ZNF121: variants seen among roughly 807,000 people sequenced by gnomAD.
The protein encoded by ZNF121 is zinc finger protein 121 (clone ZHC32).
In ZNF121, 1 loss-of-function variant was observed where a neutral mutation model predicts 2.4. That is an observed-to-expected ratio of 0.41 (90% CI 0.15 to 1.94). The LOEUF is 1.94. Among genes scored for constraint, ZNF121 ranks in the 30% most tolerant of loss-of-function variants. The pLI is 0.30. For synonymous variants in ZNF121, 173 were observed against 158.6 expected, an observed-to-expected ratio of 1.09 and a Z score of -0.68; for missense variants, 369 against 466.3, an observed-to-expected ratio of 0.79 and a Z score of 1.92.
At position 9,566,648 on chromosome 19, in the gene ZNF121, A is replaced by G; in HGVS notation, c.465T>C (p.Tyr155=). 1 of 1,614,180 alleles carries G rather than the reference A, an allele frequency of 6.2e-7. No homozygotes were observed. The highest frequency in any genetic ancestry group is 1.3e-5 in the African/African-American group (1 of 75,058). ...ECKECGKFFR[Y]SSYLNSHMRT... is the part of the protein sequence containing the mutation. Reference sequence around the variant, plus strand: ...GCATGTGACTATTAAGATATGAAGAATATCTAAAGAATTTTCCACATTCCT... The same window carrying G: ...GCATGTGACTATTAAGATATGAAGAGTATCTAAAGAATTTTCCACATTCCT... The change falls in exon 4 of 4, where the codon TAT becomes TAC. Residue 155 remains tyrosine (Y), a synonymous_variant. Coordinates refer to ENST00000320451, the MANE Select transcript of ZNF121 (RefSeq NM_001008727.5).
rs1469705829 is a variant in ZNF121 at position 9,562,103 on chromosome 19, A to G, written c.*3837T>C. 1 of 151,632 alleles carries G rather than the reference A, an allele frequency of 6.6e-6. No homozygotes were observed. The highest frequency in any genetic ancestry group is 1.9e-4 in the East Asian group (1 of 5,198). The allele number at this position is 151,632 out of a possible 1,614,324, so 9.4% of individuals were successfully genotyped here. ...CTTACTTTGTCTCTCACATCCTGAC[A>G]ATTCTGACAATATTTCAAACATTTT... On this transcript the variant is annotated 3_prime_UTR_variant, in exon 4 of 4. Transcript: ENST00000320451.
chr19:9,565,999 C>T lies in ZNF121; in HGVS notation c.1114G>A (p.Glu372Lys), dbSNP rs142394580. 1,115 of 1,603,386 alleles carry T rather than the reference C, an allele frequency of 7.0e-4. 3 individuals carry two copies. The highest frequency in any genetic ancestry group is 7.4e-4 in the Non-Finnish European group (871 of 1,176,032). ...AATCTATTGTAGGCTTTCCCACATT[C>T]GTTACATATATAGGGTTTCTCTCCA... ...HTGEKPYICN[E>K]CGKAYNRFYL... is the part of the protein sequence containing the mutation. Residue 372 changes from glutamate to lysine, a missense_variant, in exon 4 of 4, where the codon GAA becomes AAA. This residue lies in a region of ZNF121 where 127 missense variants were observed against 169.9 expected (regional missense o/e 0.75). Transcript: ENST00000320451.
intron 1 of ZNF121, among the ~76,000 whole-genome samples, chr19:9,574,148 AT>A (rs2074193806): frequency 6.8e-6 from 1 of 147,852 alleles, no homozygotes; most frequent in Non-Finnish European, 1.5e-5. Flanking sequence ...ATTTTAATTT[AT>A]TTATACATTT....
chr19:9,566,130 A>G lies in ZNF121; in HGVS notation c.983T>C (p.Ile328Thr). Reference protein sequence around the residue: ...GKAFATSSQLIEHIRTHTGEK... With the variant: ...GKAFATSSQLTEHIRTHTGEK... ...TCCAGTGTGAGTTCTTATATGTTCA[A>G]TGAGTTGTGAAGATGTAGCAAAGGC... Residue 328 changes from isoleucine to threonine, a missense_variant, in exon 4 of 4, where the codon ATT (isoleucine) becomes ACT (threonine). Physicochemically the swap from Ile to Thr is moderately conservative, Grantham distance 89 (BLOSUM62 -1). Around this residue, in one of 4 missense-constraint regions of ZNF121, gnomAD observed 127 missense variants for 169.9 expected, o/e 0.75. Coordinates refer to ENST00000320451, the MANE Select transcript of ZNF121 (RefSeq NM_001008727.5). The G allele has an allele frequency of 1.2e-6, 2 of 1,613,884 alleles. No homozygotes were observed. Among genetic ancestry groups the G allele is most frequent in the Non-Finnish European group, 1.7e-6 (2 of 1,179,934 alleles).
In ZNF121 at chr19:9,567,984, T is replaced by A. The variant is rs532963139; in HGVS notation, c.3+111A>T. 9 of 1,217,490 alleles carry A rather than the reference T, an allele frequency of 7.4e-6. No homozygotes were observed. The East Asian group carries it at 1.6e-4, about 21-fold the overall frequency. 75.4% of individuals were successfully genotyped at this position (1,217,490 alleles called of 1,614,324 possible). A position where few individuals can be genotyped will look rare whatever the true frequency, so the allele number is the denominator to read the frequency against. The stretch of plus-strand genomic sequence containing the variant: ...GGGACCCTTGCTCTAGAGACATTCC[T>A]CCTGCTTGAGTAAATGTTACCTCTC... On this transcript the variant is annotated intron_variant, in intron 3 of 3. Coordinates refer to ENST00000320451, the MANE Select transcript of ZNF121 (RefSeq NM_001008727.5).
chr19:9,567,387 G>T (rs151290891), intron 3 of ZNF121, among the ~76,000 whole-genome samples: 1 of 152,190 alleles, frequency 6.6e-6, no homozygotes, highest in Non-Finnish European at 1.5e-5. Context: ...GTACTTGTGA[G>T]AATGCTGAAG....
chr19:9,565,925 A>C lies in ZNF121; in HGVS notation c.*15T>G, dbSNP rs778373623. 2.6e-6 allele frequency: 4 copies of C among 1,515,034 alleles called. No individual in the cohort carries two copies. The highest frequency in any genetic ancestry group is 3.6e-6 in the Non-Finnish European group (4 of 1,125,950). 93.8% of individuals were successfully genotyped at this position (1,515,034 alleles called of 1,614,324 possible). A position where few individuals can be genotyped will look rare whatever the true frequency, so the allele number is the denominator to read the frequency against. ...CCTAAAAGATTTCCACATTCCTTAC[A>C]TTCAGAGTTTTTCTTCAGTGTGTTT... On this transcript the variant is annotated 3_prime_UTR_variant, in exon 4 of 4. Transcript: ENST00000320451.
In ZNF121 at chr19:9,565,705, AAATAAAATAAAAT is replaced by A. The variant is rs1370036192; in HGVS notation, c.*222_*234del. On this transcript the variant is annotated 3_prime_UTR_variant, in exon 4 of 4. Transcript: ENST00000320451. ...AAATAAAATAAAATAAAATAAAATA[AAATAAAATAAAAT>A]AATAAAAAAAGATTCCATTGGCTCC... 5.4e-6 allele frequency: 1 copy of A among 186,598 alleles called. No individual in the cohort carries two copies. Among genetic ancestry groups the A allele is most frequent in the Non-Finnish European group, 1.1e-5 (1 of 91,862 alleles). 11.6% of individuals were successfully genotyped at this position (186,598 alleles called of 1,614,324 possible). A position where few individuals can be genotyped will look rare whatever the true frequency, so the allele number is the denominator to read the frequency against.
rs572105905 is a variant in ZNF121 at position 9,569,494 on chromosome 19, T to C, written c.-159-412A>G. Among the ~76,000 whole-genome samples, 4 of 151,838 alleles carry C rather than the reference T, an allele frequency of 2.6e-5. No individual in the cohort carries two copies. The East Asian group carries it at 7.7e-4, about 29-fold the overall frequency. ...TTAAAACGTGTATTCAAATAGGAAA[T>C]AATCCAAGTGCAAAGAGAGATCATT... On this transcript the variant is annotated intron_variant, in intron 1 of 3. Transcript: ENST00000320451.
In ZNF121 at chr19:9,565,387, A is replaced by AAAAAAT. The variant is rs1369472195; in HGVS notation, c.*552_*553insATTTTT. 1.4e-4 allele frequency: 19 copies of AAAAAAT among 139,724 alleles called. No individual in the cohort carries two copies. Among genetic ancestry groups the AAAAAAT allele is most frequent in the South Asian group, 4.5e-4 (2 of 4,396 alleles). 8.7% of individuals were successfully genotyped at this position (139,724 alleles called of 1,614,324 possible). ...AAAAAAAAAAAAAAAAAAAAAAAAA[A>AAAAAAT]GGCCAGGAGCAGTGGCTCACTCCTA... On this transcript the variant is annotated 3_prime_UTR_variant, in exon 4 of 4. Coordinates refer to ENST00000320451, the MANE Select transcript of ZNF121 (RefSeq NM_001008727.5).
rs1419425240 is a variant in ZNF121, at chr19:9,560,398, C to G, written c.*5542G>C. ...ACCCTTTCACATACTTTGTGTGTACCGAAGAGTATTGTTAACTATAGGCAT... is the reference window on the plus strand; with the variant it reads ...ACCCTTTCACATACTTTGTGTGTACGGAAGAGTATTGTTAACTATAGGCAT... On this transcript the variant is annotated 3_prime_UTR_variant, in exon 4 of 4. Transcript: ENST00000320451. 6.6e-6 allele frequency: 1 copy of G among 151,968 alleles called. No individual in the cohort carries two copies. The highest frequency in any genetic ancestry group is 1.5e-5 in the Non-Finnish European group (1 of 67,996). 9.4% of individuals were successfully genotyped at this position (151,968 alleles called of 1,614,324 possible).
Position 9,563,074 on chromosome 19 carries a change from A to AG in ZNF121, c.*2865_*2866insC. 6.7e-6 allele frequency: 1 copy of AG among 149,376 alleles called. No individual in the cohort carries two copies. Among genetic ancestry groups the AG allele is most frequent in the Non-Finnish European group, 1.5e-5 (1 of 67,400 alleles). 9.3% of individuals were successfully genotyped at this position (149,376 alleles called of 1,614,324 possible). On this transcript the variant is annotated 3_prime_UTR_variant, in exon 4 of 4. Coordinates refer to ENST00000320451, the MANE Select transcript of ZNF121 (RefSeq NM_001008727.5). Reference sequence around the variant, plus strand: ...TCTCAAAAAAAAAAAAAAAAAAAAAACTGGGATAGGCCAAAATCTAGGCCT... The same window carrying AG: ...TCTCAAAAAAAAAAAAAAAAAAAAAAGCTGGGATAGGCCAAAATCTAGGCCT...
In ZNF121 at chr19:9,565,703, TA is replaced by T. The variant is rs1410040954; in HGVS notation, c.*236del. The T allele has an allele frequency of 4.1e-5, 6 of 146,486 alleles. No individual in the cohort carries two copies. The highest frequency in any genetic ancestry group is 3.0e-3 in the Middle Eastern group (1 of 334). The allele number at this position is 146,486 out of a possible 1,614,324, so 9.1% of individuals were successfully genotyped here. A position where few individuals can be genotyped will look rare whatever the true frequency, so the allele number is the denominator to read the frequency against. Reference sequence around the variant, plus strand: ...TAAAATAAAATAAAATAAAATAAAATAAAATAAAATAAAATAATAAAAAAAG... The same window carrying T: ...TAAAATAAAATAAAATAAAATAAAATAAATAAAATAAAATAATAAAAAAAG... On this transcript the variant is annotated 3_prime_UTR_variant, in exon 4 of 4. Transcript: ENST00000320451.
chr19:9,575,574 C>T (rs1165517834), intron 1 of ZNF121, among the ~76,000 whole-genome samples: 1 of 152,000 alleles, frequency 6.6e-6, no homozygotes, highest in Non-Finnish European at 1.5e-5. Flanking sequence ...AAAACTCCAT[C>T]TCTACTAAAA....
intron 1 of ZNF121, among the ~76,000 whole-genome samples, chr19:9,583,804 C>G (rs2074266274): frequency 6.6e-6 from 1 of 152,174 alleles, no homozygotes; most frequent in South Asian, 2.1e-4. Flanking sequence ...CGCGCCCAGC[C>G]TGCCTTTCTT....
chr19:9,579,939 T>C (rs1372761047), intron 1 of ZNF121, among the ~76,000 whole-genome samples: 2 of 152,216 alleles, frequency 1.3e-5, no homozygotes, highest in Admixed American at 1.3e-4. Flanking sequence ...AAAAAACTTT[T>C]TTTGAATTTT....
Position 9,562,539 on chromosome 19 carries a change from T to C in ZNF121, c.*3401A>G, listed in dbSNP as rs930898198. 9 of 174,294 alleles carry C rather than the reference T, an allele frequency of 5.2e-5. No individual in the cohort carries two copies. Among genetic ancestry groups the C allele is most frequent in the Non-Finnish European group, 1.2e-4 (9 of 75,574 alleles). The allele number at this position is 174,294 out of a possible 1,614,324, so 10.8% of individuals were successfully genotyped here. On this transcript the variant is annotated 3_prime_UTR_variant, in exon 4 of 4. Coordinates refer to ENST00000320451, the MANE Select transcript of ZNF121 (RefSeq NM_001008727.5). ...CCACAACCTTCGAAGACAGCAAACTTAACAAATGCTATGTTCTCACTGCTC... is the reference window on the plus strand; with the variant it reads ...CCACAACCTTCGAAGACAGCAAACTCAACAAATGCTATGTTCTCACTGCTC...
chr19:9,566,975 T>C lies in ZNF121; in HGVS notation c.138A>G (p.Glu46=). The change falls in exon 4 of 4, where the codon GAA becomes GAG. Residue 46 remains glutamate (E), a synonymous_variant. Coordinates refer to ENST00000320451, the MANE Select transcript of ZNF121 (RefSeq NM_001008727.5). Reference sequence around the variant, plus strand: ...CACTGTTGTGTAACATGGGAAAGTTTTCTCCATACTCATCACAGTCATAAG... The same window carrying C: ...CACTGTTGTGTAACATGGGAAAGTTCTCTCCATACTCATCACAGTCATAAG... ...GDTYDCDEYG[E]NFPMLHNSAP... 6.2e-7 allele frequency: 1 copy of C among 1,614,212 alleles called. No individual in the cohort carries two copies. Among genetic ancestry groups the C allele is most frequent in the Non-Finnish European group, 8.5e-7 (1 of 1,180,042 alleles).
At chr19:9,570,574 G>T (rs1258867710) in intron 1 of ZNF121, among the ~76,000 whole-genome samples, 2 of 151,972 alleles carry the variant, frequency 1.3e-5, no homozygotes, top group African/African-American at 4.8e-5. Context: ...TTGTTTGTTT[G>T]TTTGTTTTTG....
Sources: gnomAD v4.1 joint callset for allele counts (sites outside exome capture counted in the v4.1 genomes callset) on GRCh38, gnomAD v4.1.1 for gene constraint, gnomAD v4.1.1 regional missense constraint, MANE v1.5 for transcripts, NCBI Gene and HGNC (gene_info 2026-07-23, HGNC 2026-07-21) for gene names.